FREM3: variants seen among roughly 807,000 people sequenced by gnomAD.
FREM3 encodes the protein FRAS1 related extracellular matrix 3.
A neutral mutation model predicts 129.1 loss-of-function variants in FREM3; 105 were observed. The observed-to-expected ratio is 0.81, with a 90% CI of 0.69 to 0.96. The LOEUF is 0.96. FREM3 is among the 40% of genes least tolerant of loss of function. The pLI is 0.00. For synonymous variants in FREM3, 1,014 were observed against 1,044.9 expected (o/e 0.97, Z 0.57); for missense variants, 2,593 against 2,666.3 (o/e 0.97, Z 0.61).
chr4:143,696,975 G>T lies in FREM3; in HGVS notation c.3701C>A (p.Ala1234Asp), dbSNP rs765343323. ...PPNELHFQLT[A>D]LPRHGRIIQQ... ...TATGATTCGTCCATGCCGAGGGAGG[G>T]CTGTGAGTTGAAAGTGGAGCTCATT... is the stretch of plus-strand genomic sequence containing the variant. The change falls in exon 1 of 8, where the codon GCC becomes GAC. Residue 1234 changes from alanine to aspartate, a missense_variant. Ala to Asp is a moderately radical substitution (Grantham distance 126, BLOSUM62 -2). This residue lies in a region of FREM3 where 2,276 missense variants were observed against 2,267.2 expected (regional missense o/e 1.00). Transcript: ENST00000329798. 1.8e-5 allele frequency: 28 copies of T among 1,537,650 alleles called. No individual in the cohort carries two copies. The South Asian group carries it at 3.0e-4, about 16-fold the overall frequency.
At chr4:143,600,557 A>C (rs1268573581) in intron 6 of FREM3, among the ~76,000 whole-genome samples, 1 of 152,232 alleles carries the variant, frequency 6.6e-6, no homozygotes, top group Non-Finnish European at 1.5e-5. Context: ...AGTTGTTTTG[A>C]ACTTTGCAGT....
At chr4:143,638,961 A>G (rs1177567698) in intron 2 of FREM3, among the ~76,000 whole-genome samples, 3 of 152,136 alleles carry the variant, frequency 2.0e-5, no homozygotes, top group Admixed American at 2.0e-4. Context: ...GCTGTGTGAA[A>G]TAATTTACAT....
intron 2 of FREM3, among the ~76,000 whole-genome samples, chr4:143,669,146 A>G (rs907577236): frequency 3.3e-5 from 5 of 152,172 alleles, no homozygotes; most frequent in Admixed American, 1.3e-4. Flanking sequence ...AAAAACTCAG[A>G]GGAGTGGCTT....
intron 6 of FREM3, among the ~76,000 whole-genome samples, chr4:143,589,084 TG>T (rs892053340): frequency 8.5e-5 from 13 of 152,062 alleles, no homozygotes; most frequent in Non-Finnish European, 1.8e-4. Flanking sequence ...CACTTGTGGA[TG>T]GGGTTGTTTT....
chr4:143,695,163 A>G (rs1398510313), intron 1 of FREM3, among the ~76,000 whole-genome samples: 2 of 152,204 alleles, frequency 1.3e-5, no homozygotes, highest in African/African-American at 4.8e-5. Context: ...TAAAATTCAA[A>G]ATCAATCTGA....
At position 143,699,236 on chromosome 4, in the gene FREM3, C is replaced by T; in HGVS notation, c.1440G>A (p.Gln480=). The T allele has an allele frequency of 6.5e-7, 1 of 1,537,326 alleles. No individual in the cohort carries two copies. Among genetic ancestry groups the T allele is most frequent in the Non-Finnish European group, 8.7e-7 (1 of 1,146,928 alleles). The change falls in exon 1 of 8, where the codon CAG becomes CAA. Residue 480 remains glutamine (Q), a synonymous_variant. Coordinates refer to ENST00000329798, the MANE Select transcript of FREM3 (RefSeq NM_001168235.2). This position sits in a 1 kb window ranked among gnomAD's most constrained non-coding sequence, Gnocchi z 4.2. ...MAAVRGLRHG[Q]LVVFGAPAGC... is the part of the protein sequence containing the mutation. ...CAGCAGGTGCCCCAAACACCACCAG[C>T]TGCCCATGTCTCAAGCCCCTGACTG...
At chr4:143,687,524 C>A (rs1352293774) in intron 2 of FREM3, among the ~76,000 whole-genome samples, 1 of 152,162 alleles carries the variant, frequency 6.6e-6, no homozygotes, top group African/African-American at 2.4e-5. Context: ...AAGCCAGCAT[C>A]ACCCTATTAC....
At chr4:143,644,880 A>G (rs1012679286) in intron 2 of FREM3, among the ~76,000 whole-genome samples, 4 of 152,224 alleles carry the variant, frequency 2.6e-5, no homozygotes, top group African/African-American at 9.6e-5. Flanking sequence ...GGGAAAGCCC[A>G]GGAAGAAGTT....
Position 143,698,780 on chromosome 4 carries a change from C to A in FREM3, c.1896G>T (p.Met632Ile). The A allele has an allele frequency of 6.5e-7, 1 of 1,537,582 alleles. No individual in the cohort carries two copies. Among genetic ancestry groups the A allele is most frequent in the Non-Finnish European group, 8.7e-7 (1 of 1,147,000 alleles). The change falls in exon 1 of 8, where the codon ATG becomes ATT. Residue 632 changes from methionine to isoleucine, a missense_variant. This residue lies in a region of FREM3 where 2,276 missense variants were observed against 2,267.2 expected (regional missense o/e 1.00). Transcript: ENST00000329798. ...LSTEDEDWHY[M>I]EKEGLYEKVV... ...CTTTCTCATAAAGCCCTTCCTTTTC[C>A]ATGTAGTGCCAGTCTTCATCTTCAG...
intron 6 of FREM3, 105 bp downstream of exon 6, chr4:143,611,174 T>A (rs916554003): frequency 2.8e-5 from 35 of 1,261,302 alleles, no homozygotes; most frequent in Non-Finnish European, 4.3e-6. Flanking sequence ...GAACATCAAA[T>A]ATTCTTTTAA....
chr4:143,665,000 C>G (rs531980742), intron 2 of FREM3, among the ~76,000 whole-genome samples: 72 of 152,152 alleles, frequency 4.7e-4, no homozygotes, highest in Non-Finnish European at 6.8e-4. Context: ...TTACCCCTTT[C>G]TTTGACTAGG....
chr4:143,638,655 G>A (rs539316224), intron 2 of FREM3, among the ~76,000 whole-genome samples: 1 of 152,198 alleles, frequency 6.6e-6, no homozygotes, highest in South Asian at 2.1e-4. Flanking sequence ...CCCATTGGCG[G>A]TAAAGACTAT....
intron 5 of FREM3, among the ~76,000 whole-genome samples, chr4:143,613,122 G>C (rs1738790108): frequency 6.6e-6 from 1 of 152,190 alleles, no homozygotes; most frequent in Non-Finnish European, 1.5e-5. Context: ...CTCACAAAGT[G>C]TTTCAGAATG....
intron 6 of FREM3, among the ~76,000 whole-genome samples, chr4:143,590,401 T>A (rs1215557644): frequency 4.8e-4 from 73 of 152,216 alleles, no homozygotes; most frequent in African/African-American, 1.6e-3. Context: ...TATTATTTTG[T>A]GATACGTCCC....
intron 2 of FREM3, among the ~76,000 whole-genome samples, chr4:143,637,809 G>A (rs1024116636): frequency 2.6e-5 from 4 of 152,190 alleles, no homozygotes; most frequent in East Asian, 1.9e-4. Context: ...CTAAGCCGCA[G>A]AGATGCCACT....
Position 143,686,786 on chromosome 4 carries a change from A to G in FREM3, c.5275+6327T>C, listed in dbSNP as rs548533494. Among the ~76,000 whole-genome samples the G allele has an allele frequency of 2.6e-5, 4 of 152,290 alleles. No individual in the cohort carries two copies. The South Asian group carries it at 8.3e-4, about 32-fold the overall frequency. On this transcript the variant is annotated intron_variant, in intron 2 of 7. Transcript: ENST00000329798. ...AAAATTCTTCGAACCGAACGACAATAATAACACGACCTATCAAAACCTCTG... is the reference window on the plus strand; with the variant it reads ...AAAATTCTTCGAACCGAACGACAATGATAACACGACCTATCAAAACCTCTG...
At chr4:143,588,545 C>G (rs985143394) in intron 6 of FREM3, among the ~76,000 whole-genome samples, 1 of 152,120 alleles carries the variant, frequency 6.6e-6, no homozygotes, top group African/African-American at 2.4e-5. Context: ...TTTCCAGCTT[C>G]ATCGATGTCC....
intron 2 of FREM3, among the ~76,000 whole-genome samples, chr4:143,629,043 CG>C (rs1329845032): frequency 1.3e-5 from 2 of 152,052 alleles, no homozygotes; most frequent in African/African-American, 4.8e-5. Flanking sequence ...ACCAGATTCC[CG>C]TGGGTTGCAC....
chr4:143,610,993 G>A (rs1391737732), intron 6 of FREM3, among the ~76,000 whole-genome samples: 2 of 152,078 alleles, frequency 1.3e-5, no homozygotes, highest in African/African-American at 4.8e-5. Flanking sequence ...CTTGACTTAG[G>A]TCCTCTCCCT....
Sources: allele counts gnomAD v4.1 joint callset (sites outside exome capture counted in the v4.1 genomes callset), GRCh38; gene constraint gnomAD v4.1.1; regional missense constraint gnomAD v4.1.1; non-coding constraint Gnocchi (gnomAD v3.1); transcripts MANE v1.5; gene names NCBI Gene and HGNC (gene_info 2026-07-23, HGNC 2026-07-21).